The following BACH2 variants were observed in gnomAD, a reference collection of about 807,000 sequenced individuals.
BACH2 encodes BACH transcriptional regulator 2, also known as transcription regulator protein BACH2.
In BACH2, 5 loss-of-function variants were observed where a neutral mutation model predicts 61.8. The observed-to-expected ratio is 0.08, with a 90% CI of 0.04 to 0.17. The LOEUF (loss-of-function observed/expected upper bound fraction) is 0.17, where lower values mean the gene tolerates loss of function less well. Ranked by LOEUF, BACH2 falls within the 10% of genes least tolerant of loss-of-function variation. The pLI, the probability that BACH2 is intolerant of heterozygous loss-of-function variation, is 1.00. For synonymous variants in BACH2, 446 were observed against 440.1 expected (o/e 1.01, Z -0.17); for missense variants, 824 against 1,091.1 (o/e 0.76, Z 3.45).
At chr6:90,222,038 T>C (rs566669169) in intron 3 of BACH2, among the ~76,000 whole-genome samples, 9 of 152,326 alleles carry the variant, frequency 5.9e-5, no homozygotes, top group South Asian at 2.1e-4. Flanking sequence ...CTTAATATTA[T>C]AGAAAAAAGT....
intron 1 of BACH2, among the ~76,000 whole-genome samples, chr6:90,294,694 C>G (rs1024936282): frequency 6.6e-6 from 1 of 152,126 alleles, no homozygotes; most frequent in Non-Finnish European, 1.5e-5. Flanking sequence ...GGGAGGTGCC[C>G]GAGAACCAGG....
At chr6:90,161,117 T>G (rs1785177493) in intron 4 of BACH2, among the ~76,000 whole-genome samples, 1 of 148,322 alleles carries the variant, frequency 6.7e-6, no homozygotes, top group African/African-American at 2.5e-5. Context: ...ATTTTTGCCC[T>G]TAAAGAAGCC....
In BACH2 at chr6:90,111,387, C is replaced by T. The variant is rs555882941; in HGVS notation, c.-161-22278G>A. The stretch of plus-strand genomic sequence containing the variant: ...TTTAAAAATGTATGTCAGATCACAT[C>T]GCTCTCCTGCTTAAAACTCCCACTT... On this transcript the variant is annotated intron_variant, in intron 4 of 8. Transcript: ENST00000257749. Among the ~76,000 whole-genome samples, 70 of 152,332 alleles carry T rather than the reference C, an allele frequency of 4.6e-4. 1 individual carries two copies. In the South Asian group the frequency reaches 0.011, roughly 23 times the overall value.
chr6:90,093,155 T>C (rs1782242620), intron 4 of BACH2, among the ~76,000 whole-genome samples: 1 of 152,116 alleles, frequency 6.6e-6, no homozygotes, highest in Non-Finnish European at 1.5e-5. Context: ...CTGGTACAGG[T>C]ATTTTATAAC....
chr6:90,066,097 G>T (rs1216825151), intron 5 of BACH2, among the ~76,000 whole-genome samples: 1 of 152,122 alleles, frequency 6.6e-6, no homozygotes, highest in Non-Finnish European at 1.5e-5. Context: ...CTGAGGGAAG[G>T]TCTTATTTTC....
intron 4 of BACH2, among the ~76,000 whole-genome samples, chr6:90,182,561 C>G (rs1462927722): frequency 6.6e-6 from 1 of 152,200 alleles, no homozygotes; most frequent in African/African-American, 2.4e-5. Flanking sequence ...TGAGTATGGT[C>G]TCACTCTCAC....
At chr6:89,988,739 C>G (rs767198315) in intron 6 of BACH2, among the ~76,000 whole-genome samples, 1 of 152,186 alleles carries the variant, frequency 6.6e-6, no homozygotes, top group Non-Finnish European at 1.5e-5. Flanking sequence ...TATTATTTAT[C>G]AAGACTGGGC....
chr6:90,166,066 A>C (rs1767604423), intron 4 of BACH2, among the ~76,000 whole-genome samples: 1 of 152,092 alleles, frequency 6.6e-6, no homozygotes, highest in Non-Finnish European at 1.5e-5. Context: ...AATGGGATCT[A>C]ATTAAACTAA....
At chr6:90,141,233 T>C (rs1784446748) in intron 4 of BACH2, among the ~76,000 whole-genome samples, 1 of 152,020 alleles carries the variant, frequency 6.6e-6, no homozygotes, top group Non-Finnish European at 1.5e-5. Context: ...CAGGCTGGAG[T>C]GCAGGGGCGT....
At chr6:89,990,352 T>A (rs1181993771) in intron 6 of BACH2, among the ~76,000 whole-genome samples, 1 of 152,226 alleles carries the variant, frequency 6.6e-6, no homozygotes, top group Non-Finnish European at 1.5e-5. Flanking sequence ...CTTGCACAAG[T>A]CTGCTGCGAA....
chr6:90,118,199 C>A (rs891427161), intron 4 of BACH2, among the ~76,000 whole-genome samples: 1 of 152,102 alleles, frequency 6.6e-6, no homozygotes, highest in East Asian at 1.9e-4. Context: ...TCATACTAAC[C>A]AAGAAATCTG....
chr6:89,953,466 T>C (rs1461402358), intron 6 of BACH2, among the ~76,000 whole-genome samples: 2 of 152,200 alleles, frequency 1.3e-5, no homozygotes, highest in Admixed American at 1.3e-4. Context: ...CCAGAGATAT[T>C]TGGTTAAAAA....
At chr6:90,079,522 C>G (rs1298177250) in intron 5 of BACH2, among the ~76,000 whole-genome samples, 1 of 152,146 alleles carries the variant, frequency 6.6e-6, no homozygotes, top group East Asian at 1.9e-4. Context: ...ATCTTTCTTC[C>G]TTCGGAAGAG....
intron 4 of BACH2, among the ~76,000 whole-genome samples, chr6:90,102,746 C>T (rs969741413): frequency 3.3e-5 from 5 of 149,794 alleles, no homozygotes; most frequent in South Asian, 2.1e-4. Context: ...GCCGAGATTG[C>T]GCCATTGCAC....
In BACH2 at chr6:89,951,338, T is replaced by C; in HGVS notation, c.768A>G (p.Thr256=). ...TGTTGCTAGAGTTATCTTCCCGGAA[T>C]GTGCTTGCAAAACCTGAGGTACTGT... The part of the protein sequence containing the change: ...SSHSTSGFAS[T]FREDNSSNSL... The change falls in exon 7 of 9, where the codon ACA becomes ACG. Residue 256 remains threonine (T), a synonymous_variant. Transcript: ENST00000257749. The surrounding 1 kb of genome is among the most constrained non-coding windows in gnomAD (Gnocchi z 6.4). 1 of 1,614,244 alleles carries C rather than the reference T, an allele frequency of 6.2e-7. No individual in the cohort carries two copies. The highest frequency in any genetic ancestry group is 1.7e-5 in the Admixed American group (1 of 60,034).
At chr6:90,101,740 A>G (rs1257541884) in intron 4 of BACH2, among the ~76,000 whole-genome samples, 1 of 152,200 alleles carries the variant, frequency 6.6e-6, no homozygotes, top group Non-Finnish European at 1.5e-5. Context: ...TGTTGACTAT[A>G]TAGGTTTGGA....
chr6:90,061,485 C>T lies in BACH2; in HGVS notation c.-13+27476G>A, dbSNP rs574996617. 1.2e-4 allele frequency among the ~76,000 whole-genome samples: 18 copies of T among 152,152 alleles called. No individual in the cohort carries two copies. In the South Asian group the frequency reaches 1.5e-3, roughly 12 times the overall value. On this transcript the variant is annotated intron_variant, in intron 5 of 8. Coordinates refer to ENST00000257749, the MANE Select transcript of BACH2 (RefSeq NM_021813.4). Reference sequence around the variant, plus strand: ...AAGTTTGAAATGATTATCAAACATCCAAGTGGACATGTCAAGTACCCTGTT... The same window carrying T: ...AAGTTTGAAATGATTATCAAACATCTAAGTGGACATGTCAAGTACCCTGTT...
chr6:90,129,625 T>C (rs1326256366), intron 4 of BACH2, among the ~76,000 whole-genome samples: 2 of 152,182 alleles, frequency 1.3e-5, no homozygotes, highest in Non-Finnish European at 2.9e-5. Context: ...TTTGTTTGTG[T>C]CCTCTCTTAC....
chr6:90,153,706 A>G (rs1348616972), intron 4 of BACH2, among the ~76,000 whole-genome samples: 4 of 152,224 alleles, frequency 2.6e-5, no homozygotes, highest in African/African-American at 7.2e-5. Context: ...GAGGAATTTT[A>G]TTAAAACATG....
Sources: allele counts gnomAD v4.1 joint callset (sites outside exome capture counted in the v4.1 genomes callset), GRCh38; gene constraint gnomAD v4.1.1; non-coding constraint Gnocchi (gnomAD v3.1); transcripts MANE v1.5; gene names NCBI Gene and HGNC (gene_info 2026-07-23, HGNC 2026-07-21).